Variants in COX7B2 observed in about 807,000 individuals in gnomAD.
The protein encoded by COX7B2 is cytochrome c oxidase subunit 7B2.
For missense variants in COX7B2, 109 were observed against 95.9 expected (o/e 1.14, Z -0.57); for synonymous variants, 37 against 32.1 (o/e 1.15, Z -0.51).
chr4:46,886,500 A>C (rs950238957), intron 1 of COX7B2, among the ~76,000 whole-genome samples: 2 of 152,164 alleles, frequency 1.3e-5, no homozygotes, highest in Non-Finnish European at 2.9e-5. Context: ...TATTCCTTCT[A>C]TCCAGCGTAT....
At chr4:46,818,092 T>C (rs1719646184) in intron 2 of COX7B2, among the ~76,000 whole-genome samples, 1 of 152,298 alleles carries the variant, frequency 6.6e-6, no homozygotes, top group East Asian at 1.9e-4. Flanking sequence ...CACACTTGGA[T>C]GGACTATTTG....
At chr4:46,738,311 A>G (rs1008675103) in intron 2 of COX7B2, among the ~76,000 whole-genome samples, 1 of 152,088 alleles carries the variant, frequency 6.6e-6, no homozygotes, top group Non-Finnish European at 1.5e-5. Context: ...TTAGAAGCTT[A>G]GTTCATCCTT....
chr4:46,741,516 A>T (rs1714708997), intron 2 of COX7B2, among the ~76,000 whole-genome samples: 1 of 152,016 alleles, frequency 6.6e-6, no homozygotes, highest in Non-Finnish European at 1.5e-5. Context: ...CTCCCCTATC[A>T]CTTCTCCGCC....
At chr4:46,809,388 CT>C (rs1343509796) in intron 2 of COX7B2, among the ~76,000 whole-genome samples, 1 of 151,714 alleles carries the variant, frequency 6.6e-6, no homozygotes, top group African/African-American at 2.4e-5. Flanking sequence ...GATATTTCTT[CT>C]TTTTAATGTA....
chr4:46,829,569 A>G lies in COX7B2; in HGVS notation c.-50+15391T>C, dbSNP rs377597947. Among the ~76,000 whole-genome samples the G allele has an allele frequency of 2.4e-4, 37 of 152,356 alleles. 1 individual carries two copies. Among genetic ancestry groups the G allele is most frequent in the African/African-American group, 7.9e-4 (33 of 41,594 alleles). On this transcript the variant is annotated intron_variant, in intron 2 of 2. Transcript: ENST00000355591. ...ACACACATGTAGCTATAATTAAAGC[A>G]ATGTGTCATAAATGACACTCCATCT...
chr4:46,742,859 A>C (rs1263347955), intron 2 of COX7B2, among the ~76,000 whole-genome samples: 1 of 152,180 alleles, frequency 6.6e-6, no homozygotes, highest in African/African-American at 2.4e-5. Flanking sequence ...TGAACAGATC[A>C]TTTCTATCCC....
intron 2 of COX7B2, among the ~76,000 whole-genome samples, chr4:46,776,416 GTGTGTGTC>G (rs1230654866): frequency 4.8e-4 from 73 of 151,636 alleles, no homozygotes; most frequent in Admixed American, 1.1e-3. Flanking sequence ...GTGTGTGTGT[GTGTGTGTC>G]TGTGTGTCTG....
chr4:46,775,340 A>G (rs1717098022), intron 2 of COX7B2, among the ~76,000 whole-genome samples: 1 of 152,110 alleles, frequency 6.6e-6, no homozygotes, highest in African/African-American at 2.4e-5. Flanking sequence ...AATAATCTCT[A>G]TTCAGTTTGG....
chr4:46,842,157 A>G lies in COX7B2; in HGVS notation c.-50+2803T>C, dbSNP rs183214929. Among the ~76,000 whole-genome samples the G allele has an allele frequency of 7.2e-5, 11 of 152,146 alleles. No individual in the cohort carries two copies. In the East Asian group the frequency reaches 2.1e-3, roughly 29 times the overall value. On this transcript the variant is annotated intron_variant, in intron 2 of 2. Transcript: ENST00000355591. Reference sequence around the variant, plus strand: ...AGCTCAATCATGGTAATAACAAGCAATGTCTTAATGCACCACCTGGTTTGA... The same window carrying G: ...AGCTCAATCATGGTAATAACAAGCAGTGTCTTAATGCACCACCTGGTTTGA...
At chr4:46,846,890 T>C (rs575364769) in intron 1 of COX7B2, among the ~76,000 whole-genome samples, 13 of 152,032 alleles carry the variant, frequency 8.6e-5, no homozygotes, top group African/African-American at 3.1e-4. Context: ...GAGCTGGCAT[T>C]TAGTGAGGCT....
At chr4:46,762,238 ATATAT>A (rs1232067988) in intron 2 of COX7B2, among the ~76,000 whole-genome samples, 2 of 142,488 alleles carry the variant, frequency 1.4e-5, no homozygotes, top group East Asian at 3.9e-4. Flanking sequence ...TATATATTAA[ATATAT>A]TATATATTTA....
chr4:46,853,214 T>G (rs1411003425), intron 1 of COX7B2, among the ~76,000 whole-genome samples: 1 of 152,180 alleles, frequency 6.6e-6, no homozygotes, highest in Non-Finnish European at 1.5e-5. Context: ...CCATCACTAT[T>G]GTGAGTAACA....
At chr4:46,740,158 A>G (rs1714618413) in intron 2 of COX7B2, among the ~76,000 whole-genome samples, 1 of 152,064 alleles carries the variant, frequency 6.6e-6, no homozygotes, top group African/African-American at 2.4e-5. Context: ...TAATGCAAAA[A>G]GAATGGATGC....
chr4:46,836,184 C>A (rs565364873), intron 2 of COX7B2, among the ~76,000 whole-genome samples: 7 of 152,090 alleles, frequency 4.6e-5, no homozygotes, highest in South Asian at 2.1e-4. Context: ...TTAAAAATTT[C>A]TTTCTTCAAT....
intron 1 of COX7B2, among the ~76,000 whole-genome samples, chr4:46,892,672 A>G (rs1489465272): frequency 6.6e-6 from 1 of 152,210 alleles, no homozygotes; most frequent in Admixed American, 6.5e-5. Flanking sequence ...AAATCAAAGT[A>G]GCCTCAACAT....
intron 2 of COX7B2, among the ~76,000 whole-genome samples, chr4:46,745,756 T>A (rs1488180962): frequency 6.6e-6 from 1 of 152,174 alleles, no homozygotes; most frequent in Non-Finnish European, 1.5e-5. Flanking sequence ...GGAAGGATCT[T>A]AAGGAAGAAA....
At chr4:46,796,357 G>T (rs1352916541) in intron 2 of COX7B2, among the ~76,000 whole-genome samples, 1 of 148,672 alleles carries the variant, frequency 6.7e-6, no homozygotes, top group Non-Finnish European at 1.5e-5. Context: ...ATCATCACTG[G>T]CCATCAGAGA....
At chr4:46,874,129 C>CT (rs902870180) in intron 1 of COX7B2, among the ~76,000 whole-genome samples, 158 of 151,814 alleles carry the variant, frequency 1.0e-3, no homozygotes, top group African/African-American at 3.6e-3. Flanking sequence ...ATTTCGTTGT[C>CT]TTTTTTTTAA....
chr4:46,783,965 A>T (rs1717615836), intron 2 of COX7B2, among the ~76,000 whole-genome samples: 1 of 152,190 alleles, frequency 6.6e-6, no homozygotes, highest in African/African-American at 2.4e-5. Flanking sequence ...TTGGCAGATG[A>T]CATGATTGGG....
Sources: gnomAD v4.1 joint callset for allele counts (sites outside exome capture counted in the v4.1 genomes callset) on GRCh38, gnomAD v4.1.1 for gene constraint, MANE v1.5 for transcripts, NCBI Gene and HGNC (gene_info 2026-07-23, HGNC 2026-07-21) for gene names.